Variants in THSD7B observed in about 807,000 individuals in gnomAD.
THSD7B encodes the protein thrombospondin type 1 domain containing 7B.
THSD7B carries 138 observed loss-of-function variants against 213.6 expected under a neutral mutation model. The ratio of observed to expected loss-of-function variants is 0.65; its 90% CI spans 0.56 to 0.74. The LOEUF is 0.74. Among genes scored for constraint, THSD7B ranks in the 30% least tolerant of loss-of-function variants. The probability of loss-of-function intolerance (pLI) is 0.00; values close to 1 mark genes in which losing one functional copy is unlikely to be tolerated. For synonymous variants in THSD7B, 742 were observed against 687.0 expected (o/e 1.08, Z -1.25); for missense variants, 1,931 against 1,991.5 (o/e 0.97, Z 0.58).
chr2:136,981,203 G>A (rs1283339489), intron 2 of THSD7B, among the ~76,000 whole-genome samples: 1 of 152,174 alleles, frequency 6.6e-6, no homozygotes, highest in African/African-American at 2.4e-5. Context: ...CATTTGAATG[G>A]AGATTGTATA....
intron 2 of THSD7B, among the ~76,000 whole-genome samples, chr2:137,030,480 G>C (rs542921748): frequency 7.2e-5 from 11 of 152,260 alleles, no homozygotes; most frequent in African/African-American, 2.6e-4. Context: ...GTGAGATCTT[G>C]AACAGACACT....
chr2:137,138,764 G>GA (rs1394654355), intron 5 of THSD7B, among the ~76,000 whole-genome samples: 2 of 152,130 alleles, frequency 1.3e-5, no homozygotes, highest in Admixed American at 6.6e-5. Context: ...AAATGTGTGG[G>GA]AAACCACTGT....
intron 4 of THSD7B, among the ~76,000 whole-genome samples, chr2:137,107,072 C>T (rs1688267584): frequency 6.6e-6 from 1 of 152,168 alleles, no homozygotes; most frequent in African/African-American, 2.4e-5. Flanking sequence ...AATCATTCTA[C>T]TATAAAGGCA....
At chr2:136,876,827 A>C (rs1436064087) in intron 1 of THSD7B, among the ~76,000 whole-genome samples, 1 of 152,202 alleles carries the variant, frequency 6.6e-6, no homozygotes, top group African/African-American at 2.4e-5. Context: ...GTATGAACCC[A>C]CAGCTGAAAC....
intron 13 of THSD7B, among the ~76,000 whole-genome samples, chr2:137,411,294 T>C (rs1301347915): frequency 3.3e-5 from 5 of 152,222 alleles, no homozygotes; most frequent in Non-Finnish European, 7.3e-5. Flanking sequence ...CAGTATGTTT[T>C]TTCCAGCAAA....
chr2:137,263,240 A>T (rs1447916425), intron 10 of THSD7B, among the ~76,000 whole-genome samples: 1 of 151,890 alleles, frequency 6.6e-6, no homozygotes, highest in African/African-American at 2.4e-5. Context: ...CATATAAAAA[A>T]TTTCAAGTTC....
At chr2:136,974,827 G>A (rs1201346158) in intron 2 of THSD7B, among the ~76,000 whole-genome samples, 1 of 152,100 alleles carries the variant, frequency 6.6e-6, no homozygotes, top group African/African-American at 2.4e-5. Context: ...CAGTGTAAAA[G>A]CGTTCCTGTC....
intron 1 of THSD7B, among the ~76,000 whole-genome samples, chr2:136,797,317 G>C (rs1012544131): frequency 6.6e-6 from 1 of 151,912 alleles, no homozygotes; most frequent in Non-Finnish European, 1.5e-5. Flanking sequence ...CTCTCTGAAG[G>C]CCATGAGTCA....
intron 15 of THSD7B, among the ~76,000 whole-genome samples, chr2:137,532,085 T>G (rs936923464): frequency 2.6e-5 from 4 of 151,936 alleles, no homozygotes; most frequent in Non-Finnish European, 4.4e-5. Context: ...AATTCTAACT[T>G]ACCAAGTTAA....
chr2:137,357,419 G>A (rs1047225544), intron 12 of THSD7B, among the ~76,000 whole-genome samples: 3 of 145,220 alleles, frequency 2.1e-5, no homozygotes, highest in Non-Finnish European at 2.9e-5. Flanking sequence ...GAGTTTTTTT[G>A]TTTGTTTGTT....
intron 2 of THSD7B, among the ~76,000 whole-genome samples, chr2:137,053,815 C>A (rs1371469488): frequency 6.6e-6 from 1 of 152,108 alleles, no homozygotes; most frequent in Non-Finnish European, 1.5e-5. Flanking sequence ...TAAAAATCCA[C>A]AGTGCTCTAC....
At chr2:137,113,087 A>G (rs1406203903) in intron 4 of THSD7B, among the ~76,000 whole-genome samples, 1 of 152,168 alleles carries the variant, frequency 6.6e-6, no homozygotes, top group Non-Finnish European at 1.5e-5. Context: ...CAGTGGCTGT[A>G]TCTGACCCCC....
chr2:137,264,933 T>C (rs968446965), intron 10 of THSD7B, among the ~76,000 whole-genome samples: 10 of 152,156 alleles, frequency 6.6e-5, no homozygotes, highest in African/African-American at 2.4e-4. Context: ...CCCACTAACT[T>C]GTCATCTAGC....
intron 3 of THSD7B, among the ~76,000 whole-genome samples, chr2:137,077,884 A>G (rs1017542957): frequency 8.5e-5 from 13 of 152,072 alleles, no homozygotes; most frequent in Non-Finnish European, 1.9e-4. Context: ...GGTGTTTTAG[A>G]CATGAAGTCC....
At chr2:136,791,087 CT>C in intron 1 of THSD7B, among the ~76,000 whole-genome samples, 1 of 151,792 alleles carries the variant, frequency 6.6e-6, no homozygotes. Flanking sequence ...ACATGGGGAG[CT>C]TCCATTGGAG....
intron 15 of THSD7B, among the ~76,000 whole-genome samples, chr2:137,453,326 C>CT (rs70978223): frequency 0.74 from 69,776 of 93,864 alleles, 28,215 homozygotes; most frequent in East Asian, 0.88. Flanking sequence ...TTGAAATTTA[C>CT]TTTTTTTTTT....
rs1446903484 is a variant in THSD7B, at chr2:136,956,690, T to C, written c.139+74373T>C. 4.0e-5 allele frequency among the ~76,000 whole-genome samples: 6 copies of C among 151,414 alleles called. No individual in the cohort carries two copies. In the East Asian group the frequency reaches 1.2e-3, roughly 29 times the overall value. ...ACTTTAATTTTTTTTCTTTTCTTTTTTTTTTTTGAGACAGAGTCTTGCTCT... is the reference window on the plus strand; with the variant it reads ...ACTTTAATTTTTTTTCTTTTCTTTTCTTTTTTTGAGACAGAGTCTTGCTCT... On this transcript the variant is annotated intron_variant, in intron 2 of 27. Transcript: ENST00000409968.
chr2:136,886,695 G>A (rs1335497408), intron 2 of THSD7B, among the ~76,000 whole-genome samples: 1 of 152,198 alleles, frequency 6.6e-6, no homozygotes, highest in Non-Finnish European at 1.5e-5. Context: ...TTAAGATAAA[G>A]CCATCAGGAT....
At chr2:137,172,235 C>A (rs1424890167) in intron 7 of THSD7B, among the ~76,000 whole-genome samples, 1 of 152,158 alleles carries the variant, frequency 6.6e-6, no homozygotes, top group Non-Finnish European at 1.5e-5. Flanking sequence ...GTTCCTGACA[C>A]AGCTCTTAAA....
Sources: gnomAD v4.1 joint callset for allele counts (sites outside exome capture counted in the v4.1 genomes callset) on GRCh38, gnomAD v4.1.1 for gene constraint, MANE v1.5 for transcripts, NCBI Gene and HGNC (gene_info 2026-07-23, HGNC 2026-07-21) for gene names.